Variants in XPA observed in about 807,000 individuals in gnomAD.
XPA encodes the protein DNA repair protein complementing XP-A cells.
A neutral mutation model predicts 35.7 loss-of-function variants in XPA; 27 were observed. That is an observed-to-expected ratio of 0.76 (90% CI 0.56 to 1.04). The LOEUF is 1.04. Ranked by LOEUF, XPA falls within the 50% of genes least tolerant of loss-of-function variation. XPA has a pLI of 0.00. For synonymous variants in XPA, 133 were observed against 118.4 expected (o/e 1.12, Z -0.80); for missense variants, 354 against 342.7 (o/e 1.03, Z -0.26).
At chr9:97,681,652 C>T (rs780528634) in intron 5 of XPA, among the ~76,000 whole-genome samples, 1 of 152,136 alleles carries the variant, frequency 6.6e-6, no homozygotes, top group Non-Finnish European at 1.5e-5. Flanking sequence ...AGTAGACATG[C>T]AAACCCAAAA....
intron 3 of XPA, among the ~76,000 whole-genome samples, chr9:97,687,672 G>A (rs1828763369): frequency 6.6e-6 from 1 of 152,264 alleles, no homozygotes; most frequent in South Asian, 2.1e-4. Flanking sequence ...CCACTAGAAG[G>A]TTTTGAGCAA....
At chr9:97,656,182 C>A in the XPA span, 4 of 1,005,728 alleles carry the variant, frequency 4.0e-6, no homozygotes, top group East Asian at 7.6e-5. Flanking sequence ...GATTCAAAAT[C>A]CACTTACTCA....
intron 5 of XPA, among the ~76,000 whole-genome samples, chr9:97,680,472 G>A (rs112923237): frequency 3.9e-5 from 6 of 152,236 alleles, no homozygotes; most frequent in African/African-American, 1.4e-4. Flanking sequence ...GCCTCCTGAA[G>A]TGTTGGGATT....
intron 1 of XPA, 91 bp from the exon 2 acceptor site, chr9:97,693,850 A>AT: frequency 8.5e-7 from 1 of 1,171,322 alleles, no homozygotes; most frequent in Non-Finnish European, 1.3e-6. Flanking sequence ...TGAATTCAAT[A>AT]TATCTCAAAC....
the XPA span, among the ~76,000 whole-genome samples, chr9:97,659,294 G>A: frequency 6.6e-6 from 1 of 152,176 alleles, no homozygotes; most frequent in Non-Finnish European, 1.5e-5. Flanking sequence ...AGTTAGGTGT[G>A]GAGTTTTTCC....
the XPA span, chr9:97,654,786 T>A: frequency 9.1e-7 from 1 of 1,101,608 alleles, no homozygotes; most frequent in Non-Finnish European, 1.4e-6. Context: ...TATTAATCAT[T>A]ATAAAGACTT....
chr9:97,691,545 A>C (rs1175918709), intron 2 of XPA, among the ~76,000 whole-genome samples: 2 of 152,026 alleles, frequency 1.3e-5, no homozygotes, highest in African/African-American at 4.8e-5. Flanking sequence ...CTACAAAAAA[A>C]ATCCAAAAAT....
At chr9:97,661,957 G>A in the XPA span, 4 of 889,762 alleles carry the variant, frequency 4.5e-6, no homozygotes, top group African/African-American at 5.0e-5. Context: ...ATAGATGTGA[G>A]CAACCATCTA....
chr9:97,669,708 T>A, the XPA span: 1 of 1,546,278 alleles, frequency 6.5e-7, no homozygotes, highest in Non-Finnish European at 8.9e-7. Context: ...TTCCTACAGG[T>A]ATGTGGGGAA....
chr9:97,662,987 T>G, the XPA span: 1 of 1,613,212 alleles, frequency 6.2e-7, no homozygotes, highest in Non-Finnish European at 8.5e-7. Flanking sequence ...TAGCTGAAAG[T>G]GATGAAGGAA....
rs1428158336 is a variant in XPA, at chr9:97,689,644, GAA to G, written c.284-7_284-6del. Reference sequence around the variant, plus strand: ...AATCAAATTCCATAACAGGTCCTAAGAAAAGGAAAATGAACTCTAGTTTCCTT... The same window carrying G: ...AATCAAATTCCATAACAGGTCCTAAGAAGGAAAATGAACTCTAGTTTCCTT... On this transcript the variant is annotated splice_region_variant and splice_polypyrimidine_tract_variant and intron_variant, in intron 2 of 5. Coordinates refer to ENST00000375128, the MANE Select transcript of XPA (RefSeq NM_000380.4). 4 of 1,564,460 alleles carry G rather than the reference GAA, an allele frequency of 2.6e-6. No individual in the cohort carries two copies. The African/African-American group carries it at 5.4e-5, about 21-fold the overall frequency.
the XPA span, chr9:97,654,958 T>C: frequency 1.3e-6 from 2 of 1,562,360 alleles, no homozygotes; most frequent in Non-Finnish European, 1.7e-6. Context: ...CAGTAATCGC[T>C]TTACTGCTGA....
chr9:97,670,081 C>A (rs1828140383), downstream of XPA: 6 of 335,992 alleles, frequency 1.8e-5, no homozygotes, highest in South Asian at 1.5e-4. Context: ...CGTCACTACT[C>A]CTGCCTGATT....
In XPA at chr9:97,682,507, A is replaced by G; in HGVS notation, c.673+2416T>C. ...CTCTGCACATTAAACACCAGAAGACAGTGGAGTAATGTTACAGAACTTAGG... is the reference window on the plus strand; with the variant it reads ...CTCTGCACATTAAACACCAGAAGACGGTGGAGTAATGTTACAGAACTTAGG... On this transcript the variant is annotated intron_variant, in intron 5 of 5. Coordinates refer to ENST00000375128, the MANE Select transcript of XPA (RefSeq NM_000380.4). 5.9e-6 allele frequency: 3 copies of G among 510,580 alleles called. No individual in the cohort carries two copies. The East Asian group carries it at 1.6e-4, about 28-fold the overall frequency. 31.6% of individuals were successfully genotyped at this position (510,580 alleles called of 1,614,324 possible).
At chr9:97,688,774 C>T (rs1222042257) in intron 3 of XPA, among the ~76,000 whole-genome samples, 2 of 152,114 alleles carry the variant, frequency 1.3e-5, no homozygotes, top group African/African-American at 4.8e-5. Flanking sequence ...CAGCAACAAG[C>T]CAATCATGAT....
chr9:97,675,267 G>T lies in XPA; in HGVS notation c.*172C>A. 1.2e-6 allele frequency: 1 copy of T among 807,716 alleles called. No homozygotes were observed. The allele number at this position is 807,716 out of a possible 1,614,324, so 50.0% of individuals were successfully genotyped here. On this transcript the variant is annotated 3_prime_UTR_variant, in exon 6 of 6. Transcript: ENST00000375128. ...ACAACCAGGCCAGGTGACCTTCACT[G>T]AAACTTGCTTTTAAGCCATAACATA... is the stretch of plus-strand genomic sequence containing the variant.
At chr9:97,655,483 T>C in the XPA span, among the ~76,000 whole-genome samples, 1 of 152,152 alleles carries the variant, frequency 6.6e-6, no homozygotes, top group East Asian at 1.9e-4. Context: ...ATAATAAACA[T>C]GTTAGGTGCC....
At chr9:97,685,153 TATAA>T (rs1211517926) in intron 4 of XPA, 113 bp from the exon 5 acceptor site, 3 of 730,806 alleles carry the variant, frequency 4.1e-6, no homozygotes, top group Non-Finnish European at 4.4e-6. Flanking sequence ...AGTATAAATT[TATAA>T]ATACTTATTA....
chr9:97,680,495 G>A (rs1393889475), intron 5 of XPA, among the ~76,000 whole-genome samples: 4 of 152,062 alleles, frequency 2.6e-5, no homozygotes, highest in Admixed American at 2.0e-4. Context: ...AGAAGTGTTG[G>A]GATTACAGGC....
Sources: allele counts gnomAD v4.1 joint callset (sites outside exome capture counted in the v4.1 genomes callset), GRCh38; gene constraint gnomAD v4.1.1; transcripts MANE v1.5; gene names NCBI Gene and HGNC (gene_info 2026-07-23, HGNC 2026-07-21).